DNAJC13: variants seen among roughly 807,000 people sequenced by gnomAD.
DNAJC13 encodes DnaJ heat shock protein family (Hsp40) member C13.
In DNAJC13, 75 loss-of-function variants were observed where a neutral mutation model predicts 290.5. The ratio of observed to expected loss-of-function variants is 0.26; its 90% CI spans 0.21 to 0.31. The LOEUF is 0.31. DNAJC13 is among the 10% of genes least tolerant of loss of function. DNAJC13 has a pLI of 1.00. For missense variants in DNAJC13, 2,260 were observed against 2,674.5 expected (o/e 0.85, Z 3.42); for synonymous variants, 862 against 892.0 (o/e 0.97, Z 0.60).
At position 132,498,965 on chromosome 3, in the gene DNAJC13, C is replaced by G. The variant is rs543659551; in HGVS notation, c.4157-161C>G. Among the ~76,000 whole-genome samples the G allele has an allele frequency of 2.1e-3, 326 of 152,266 alleles. 1 individual carries two copies. Among genetic ancestry groups the G allele is most frequent in the African/African-American group, 7.6e-3 (315 of 41,556 alleles). On this transcript the variant is annotated intron_variant, in intron 36 of 55. Transcript: ENST00000260818. ...TCTCCTGACCTCGTGATCCACCCAC[C>G]TTGGCCTCCCAAAGTGCTGGGATTA... is the stretch of plus-strand genomic sequence containing the variant.
At chr3:132,479,365 G>C in intron 25 of DNAJC13, 76 bp downstream of exon 25, 1 of 1,018,788 alleles carries the variant, frequency 9.8e-7, no homozygotes, top group South Asian at 1.3e-5. Context: ...AGTTTGAGTT[G>C]ATTATCCAGG....
chr3:132,512,390 A>G (rs1304598062), intron 44 of DNAJC13, among the ~76,000 whole-genome samples: 1 of 152,224 alleles, frequency 6.6e-6, no homozygotes, highest in Non-Finnish European at 1.5e-5. Flanking sequence ...TTACTGAGCT[A>G]TCTTAAGAAT....
chr3:132,495,243 C>A, intron 35 of DNAJC13, 77 bp downstream of exon 35: 1 of 1,131,638 alleles, frequency 8.8e-7, no homozygotes, highest in Non-Finnish European at 1.3e-6. Context: ...AAGTATATTA[C>A]CTTCTGTGCC....
At chr3:132,496,408 C>G in intron 35 of DNAJC13, 120 bp from the exon 36 acceptor site, 1 of 978,256 alleles carries the variant, frequency 1.0e-6, no homozygotes, top group Non-Finnish European at 1.4e-6. Flanking sequence ...GAATGAATAC[C>G]TTAATATAAA....
At chr3:132,431,286 G>C (rs574650016) in intron 1 of DNAJC13, among the ~76,000 whole-genome samples, 1 of 152,116 alleles carries the variant, frequency 6.6e-6, no homozygotes, top group African/African-American at 2.4e-5. Flanking sequence ...AGTAGAATTA[G>C]GTGAATAATA....
In DNAJC13 at chr3:132,471,664, C is replaced by G. The variant is rs1178227812; in HGVS notation, c.2209-1481C>G. On this transcript the variant is annotated intron_variant, in intron 20 of 55. Coordinates refer to ENST00000260818, the MANE Select transcript of DNAJC13 (RefSeq NM_015268.4). ...CAGACGATGGGCGGCCGGGCAGAGA[C>G]GCTCCTCACTTCCTAGATGTGATGG... is the stretch of plus-strand genomic sequence containing the variant. Among the ~76,000 whole-genome samples the G allele has an allele frequency of 4.9e-5, 6 of 123,174 alleles. 1 individual carries two copies. The highest frequency in any genetic ancestry group is 1.1e-4 in the Non-Finnish European group (6 of 57,078). The allele number at this position is 123,174 out of a possible 152,430, so 80.8% of individuals were successfully genotyped here.
intron 19 of DNAJC13, 92 bp downstream of exon 19, chr3:132,466,486 A>G: frequency 9.2e-7 from 1 of 1,082,610 alleles, no homozygotes; most frequent in South Asian, 2.5e-5. Flanking sequence ...AATTTTAGAA[A>G]CAAAGAATTC....
chr3:132,427,155 A>T (rs1178830486), intron 1 of DNAJC13, among the ~76,000 whole-genome samples: 38 of 142,358 alleles, frequency 2.7e-4, no homozygotes, highest in African/African-American at 9.1e-4. Flanking sequence ...TTTTTGAGAC[A>T]GGGTCTGACT....
Position 132,478,070 on chromosome 3 carries a change from T to C in DNAJC13, c.2639T>C (p.Val880Ala), listed in dbSNP as rs1000098565. Residue 880 changes from valine (V) to alanine (A), a missense_variant, in exon 24 of 56, where the codon GTT (valine) becomes GCT (alanine). By Grantham distance (64) the Val-to-Ala change is moderately conservative. Around this residue, in one of 3 missense-constraint regions of DNAJC13, gnomAD observed 1,494 missense variants for 1,693.7 expected, o/e 0.88. Transcript: ENST00000260818. ...TTATGTTTACAAGCCCTTGCTATTG[T>C]TTATGGCAGATGTCACGAAGAAATA... ...KCLCLQALAI[V>A]YGRCHEEIGP... The C allele has an allele frequency of 1.2e-6, 2 of 1,613,652 alleles. No individual in the cohort carries two copies. Among genetic ancestry groups the C allele is most frequent in the Non-Finnish European group, 1.7e-6 (2 of 1,179,796 alleles).
At chr3:132,528,149 T>C (rs751520809) in intron 53 of DNAJC13, 40 bp from the exon 54 acceptor site, 15 of 1,604,992 alleles carry the variant, frequency 9.3e-6, no homozygotes, top group Admixed American at 8.4e-5. Flanking sequence ...ATGATTTGCA[T>C]TTTTTCTGTG....
intron 21 of DNAJC13, chr3:132,474,208 G>C (rs900793084): frequency 2.0e-5 from 3 of 152,042 alleles, no homozygotes; most frequent in African/African-American, 7.3e-5. Flanking sequence ...CTAAAGTTTT[G>C]TATCTGACAA....
At chr3:132,529,892 A>G (rs1311050046) in intron 54 of DNAJC13, among the ~76,000 whole-genome samples, 2 of 152,094 alleles carry the variant, frequency 1.3e-5, no homozygotes, top group Non-Finnish European at 2.9e-5. Context: ...GTGTTTTTAG[A>G]AGTATTTTCT....
At chr3:132,523,289 A>G in intron 50 of DNAJC13, 90 bp downstream of exon 50, 3 of 1,428,140 alleles carry the variant, frequency 2.1e-6, no homozygotes, top group South Asian at 2.4e-5. Context: ...ACCTATAACT[A>G]CTTTGTCATC....
chr3:132,510,319 T>C (rs984365341), intron 43 of DNAJC13, among the ~76,000 whole-genome samples: 3 of 152,294 alleles, frequency 2.0e-5, no homozygotes, highest in Admixed American at 6.5e-5. Context: ...TGATTCCTCA[T>C]CACTTCCAGA....
At position 132,500,729 on chromosome 3, in the gene DNAJC13, A is replaced by G. The variant is rs572656746; in HGVS notation, c.4417-65A>G. The G allele has an allele frequency of 1.4e-4, 226 of 1,595,526 alleles. 1 individual carries two copies. In the South Asian group the frequency reaches 2.1e-3, roughly 15 times the overall value. On this transcript the variant is annotated intron_variant, in intron 38 of 55. Coordinates refer to ENST00000260818, the MANE Select transcript of DNAJC13 (RefSeq NM_015268.4). ...ACAAATTTCTGCTGGTTTGATTTCTATGTGTTAAATAAGGAATGCCTATGT... is the reference window on the plus strand; with the variant it reads ...ACAAATTTCTGCTGGTTTGATTTCTGTGTGTTAAATAAGGAATGCCTATGT...
At chr3:132,421,424 C>T (rs1938955950) in intron 1 of DNAJC13, among the ~76,000 whole-genome samples, 1 of 152,076 alleles carries the variant, frequency 6.6e-6, no homozygotes, top group South Asian at 2.1e-4. Context: ...AAGGACGTGT[C>T]AGAGGCTTGT....
chr3:132,531,182 T>C, intron 55 of DNAJC13, 85 bp downstream of exon 55: 1 of 1,160,578 alleles, frequency 8.6e-7, no homozygotes, highest in Non-Finnish European at 1.3e-6. Flanking sequence ...CTTAAAATTG[T>C]GTTCAGAGTG....
At chr3:132,429,158 G>C (rs745752203) in intron 1 of DNAJC13, among the ~76,000 whole-genome samples, 1 of 152,170 alleles carries the variant, frequency 6.6e-6, no homozygotes, top group Non-Finnish European at 1.5e-5. Flanking sequence ...ATGGTAATTT[G>C]TTTTACTGCT....
At chr3:132,493,869 C>A (rs80213596) in intron 33 of DNAJC13, among the ~76,000 whole-genome samples, 1,644 of 152,112 alleles carry the variant, frequency 0.011, 12 homozygotes, top group Middle Eastern at 0.031. Context: ...CTTAATTCTT[C>A]CTGGGTTTAA....
Sources: gnomAD v4.1 joint callset for allele counts (sites outside exome capture counted in the v4.1 genomes callset) on GRCh38, gnomAD v4.1.1 for gene constraint, gnomAD v4.1.1 regional missense constraint, MANE v1.5 for transcripts, NCBI Gene and HGNC (gene_info 2026-07-23, HGNC 2026-07-21) for gene names.